The following ANO2 variants were observed in gnomAD, a reference collection of about 807,000 sequenced individuals.
ANO2 encodes the protein anoctamin 2.
ANO2 carries 101 observed loss-of-function variants against 124.2 expected under a neutral mutation model. The ratio of observed to expected loss-of-function variants is 0.81; its 90% confidence interval spans 0.69 to 0.96. The LOEUF (loss-of-function observed/expected upper bound fraction) is 0.96. ANO2 is among the 40% of genes least tolerant of loss of function. The pLI is 0.00. For missense variants in ANO2, 1,293 were observed against 1,274.5 expected, an observed-to-expected ratio of 1.01 and a Z score of -0.22; for synonymous variants, 486 against 482.5, an observed-to-expected ratio of 1.01 and a Z score of -0.09.
intron 9 of ANO2, among the ~76,000 whole-genome samples, chr12:5,804,555 C>T (rs1953134184): frequency 2.0e-5 from 3 of 152,186 alleles, no homozygotes; most frequent in Admixed American, 2.0e-4. Context: ...GCAATTCCAT[C>T]CTGGCTGGGC....
At chr12:5,867,778 G>GAAAAAAAAAAAAAAA in intron 3 of ANO2, among the ~76,000 whole-genome samples, 1 of 78,544 alleles carries the variant, frequency 1.3e-5, no homozygotes, top group Non-Finnish European at 2.3e-5. Context: ...GCACTATAAT[G>GAAAAAAAAAAAAAAA]AAAAAAAAAA....
At chr12:5,610,619 A>G (rs1159842543) in intron 19 of ANO2, among the ~76,000 whole-genome samples, 1 of 143,406 alleles carries the variant, frequency 7.0e-6, no homozygotes, top group Non-Finnish European at 1.5e-5. Context: ...ATATATGTAT[A>G]TATTTATATA....
At chr12:5,915,735 C>T (rs1341498820) in intron 3 of ANO2, among the ~76,000 whole-genome samples, 8 of 152,224 alleles carry the variant, frequency 5.3e-5, no homozygotes, top group Admixed American at 1.3e-4. Flanking sequence ...CAAGGCCAAG[C>T]ATCTTAACAT....
At chr12:5,629,442 C>T (rs1471992860) in intron 16 of ANO2, among the ~76,000 whole-genome samples, 1 of 152,170 alleles carries the variant, frequency 6.6e-6, no homozygotes, top group Non-Finnish European at 1.5e-5. Context: ...CTCAAAGGCA[C>T]AATACCCCAC....
chr12:5,846,698 G>A (rs1441433159), intron 4 of ANO2, among the ~76,000 whole-genome samples: 1 of 152,110 alleles, frequency 6.6e-6, no homozygotes, highest in Non-Finnish European at 1.5e-5. Context: ...TCTTCACTTT[G>A]AGCCTGCATA....
intron 7 of ANO2, 50 bp from the exon 8 acceptor site, chr12:5,807,418 C>A: frequency 6.8e-7 from 1 of 1,480,000 alleles, no homozygotes; most frequent in Non-Finnish European, 9.2e-7. Flanking sequence ...AAGCGTTTCT[C>A]AACTTAACCC....
chr12:5,814,902 T>C (rs1381044301), intron 7 of ANO2, among the ~76,000 whole-genome samples: 1 of 152,266 alleles, frequency 6.6e-6, no homozygotes, highest in African/African-American at 2.4e-5. Flanking sequence ...GTATGCCAGT[T>C]AATCTCTCTG....
chr12:5,601,773 C>T (rs1470151830), intron 19 of ANO2, among the ~76,000 whole-genome samples: 2 of 152,196 alleles, frequency 1.3e-5, no homozygotes, highest in African/African-American at 4.8e-5. Context: ...TATAAAACCA[C>T]AAATTAATGA....
In ANO2 at chr12:5,563,237, C is replaced by A. The variant is rs1941536993; in HGVS notation, c.*62G>T. On this transcript the variant is annotated 3_prime_UTR_variant, in exon 25 of 25. Transcript: ENST00000682330. The stretch of plus-strand genomic sequence containing the variant: ...ACAGCACGCCATGTGGGTGTAGGAA[C>A]ATGCTTACGTGCATGTGCGTGTCTC... 1 of 1,527,970 alleles carries A rather than the reference C, an allele frequency of 6.5e-7. No homozygotes were observed. 94.7% of individuals were successfully genotyped at this position (1,527,970 alleles called of 1,614,324 possible).
At chr12:5,732,936 G>T in intron 13 of ANO2, 1 of 1,600,680 alleles carries the variant, frequency 6.2e-7, no homozygotes. Context: ...TGGCTGATAC[G>T]AAGAGGGGCC....
chr12:5,716,444 C>G (rs1222245281), intron 14 of ANO2, among the ~76,000 whole-genome samples: 1 of 152,150 alleles, frequency 6.6e-6, no homozygotes, highest in East Asian at 1.9e-4. Flanking sequence ...GGTCACTTCC[C>G]TTAAAATAAC....
At chr12:5,627,548 T>C (rs1045923057) in intron 16 of ANO2, among the ~76,000 whole-genome samples, 1 of 152,212 alleles carries the variant, frequency 6.6e-6, no homozygotes, top group Non-Finnish European at 1.5e-5. Flanking sequence ...CCCAGAGCAC[T>C]GCATCCAATA....
chr12:5,756,095 T>A (rs542616067), intron 10 of ANO2, among the ~76,000 whole-genome samples: 14 of 151,978 alleles, frequency 9.2e-5, no homozygotes, highest in Non-Finnish European at 5.9e-5. Context: ...AAATGACTTG[T>A]CTTTAAGTAC....
intron 3 of ANO2, 70 bp from the exon 4 acceptor site, chr12:5,854,211 C>T: frequency 2.8e-6 from 4 of 1,405,750 alleles, no homozygotes; most frequent in East Asian, 2.4e-5. Context: ...GGTTCTTCAA[C>T]TGTTCCACAC....
At chr12:5,884,692 G>T (rs11063907) in intron 3 of ANO2, among the ~76,000 whole-genome samples, 1 of 152,196 alleles carries the variant, frequency 6.6e-6, no homozygotes, top group Non-Finnish European at 1.5e-5. Context: ...CAACCATTGA[G>T]ATCCTTTTGT....
chr12:5,912,614 T>G lies in ANO2; in HGVS notation c.534+8426A>C, dbSNP rs147479769. Among the ~76,000 whole-genome samples the G allele has an allele frequency of 7.6e-3, 1,151 of 152,300 alleles. 14 individuals are homozygous for G. The highest frequency in any genetic ancestry group is 0.026 in the African/African-American group (1,087 of 41,552). ...CCAGGCTGCCCGGAGGCGTCCCCTC[T>G]GAGATCAAATCCAGCCAGCCCTACT... On this transcript the variant is annotated intron_variant, in intron 3 of 24. Coordinates refer to ENST00000682330, the MANE Select transcript of ANO2 (RefSeq NM_001364791.2).
chr12:5,582,077 C>T (rs1009547492), intron 20 of ANO2, among the ~76,000 whole-genome samples: 2 of 152,318 alleles, frequency 1.3e-5, no homozygotes, highest in South Asian at 2.1e-4. Context: ...ACAATGATAC[C>T]GGCTTTTGCC....
At chr12:5,568,097 T>A (rs936725315) in intron 23 of ANO2, among the ~76,000 whole-genome samples, 1 of 152,146 alleles carries the variant, frequency 6.6e-6, no homozygotes, top group Non-Finnish European at 1.5e-5. Flanking sequence ...GCACTAGTAT[T>A]TTCCTATTCT....
intron 9 of ANO2, 43 bp from the exon 10 acceptor site, chr12:5,799,614 G>A (rs780262630): frequency 6.4e-7 from 1 of 1,567,144 alleles, no homozygotes; most frequent in Non-Finnish European, 8.8e-7. Flanking sequence ...GTAGAGATGG[G>A]AAACTTCACC....
Sources: allele counts gnomAD v4.1 joint callset (sites outside exome capture counted in the v4.1 genomes callset), GRCh38; gene constraint gnomAD v4.1.1; transcripts MANE v1.5; gene names NCBI Gene and HGNC (gene_info 2026-07-23, HGNC 2026-07-21).